Variants in TM9SF3 observed in about 807,000 individuals in gnomAD.
The protein encoded by TM9SF3 is transmembrane 9 superfamily member 3, also known as SM-11044-binding protein.
A neutral mutation model predicts 78.6 loss-of-function variants in TM9SF3; 14 were observed. The ratio of observed to expected loss-of-function variants is 0.18; its 90% confidence interval spans 0.12 to 0.28. TM9SF3 has a LOEUF of 0.28. Among genes scored for constraint, TM9SF3 ranks in the 10% least tolerant of loss-of-function variants. The probability of loss-of-function intolerance (pLI) is 1.00; values close to 1 mark genes in which losing one functional copy is unlikely to be tolerated. For synonymous variants in TM9SF3, 231 were observed against 241.7 expected (o/e 0.96, Z 0.41); for missense variants, 496 against 721.9 (o/e 0.69, Z 3.59).
chr10:96,548,797 C>CA (rs5787196), intron 7 of TM9SF3, among the ~76,000 whole-genome samples: 1,750 of 57,832 alleles, frequency 0.03, 28 homozygotes, highest in Middle Eastern at 0.044. Context: ...GACTCCATCT[C>CA]AAAAAAAAAA....
intron 3 of TM9SF3, among the ~76,000 whole-genome samples, chr10:96,564,793 C>T (rs554375210): frequency 6.6e-6 from 1 of 152,288 alleles, no homozygotes; most frequent in African/African-American, 2.4e-5. Flanking sequence ...TTGGATTATT[C>T]ATAAATTGGC....
At chr10:96,535,539 T>C (rs190616151) in intron 9 of TM9SF3, among the ~76,000 whole-genome samples, 19 of 152,356 alleles carry the variant, frequency 1.2e-4, no homozygotes, top group Admixed American at 1.2e-3. Flanking sequence ...CATCCTTGTA[T>C]CTGTTTTCTA....
intron 6 of TM9SF3, among the ~76,000 whole-genome samples, chr10:96,551,994 ACAG>A (rs2134144091): frequency 6.6e-6 from 1 of 152,332 alleles, no homozygotes; most frequent in South Asian, 2.1e-4. Context: ...AGTTTCTAAC[ACAG>A]CTTGTTTCTA....
At chr10:96,584,587 C>T (rs1848609142) in intron 1 of TM9SF3, among the ~76,000 whole-genome samples, 1 of 152,180 alleles carries the variant, frequency 6.6e-6, no homozygotes, top group South Asian at 2.1e-4. Flanking sequence ...GCAGGCAGAT[C>T]ACTTGAGGCC....
chr10:96,586,906 CGCCTCCGCCGCG>C lies in TM9SF3; in HGVS notation c.-83_-72del, dbSNP rs1480576936. On this transcript the variant is annotated 5_prime_UTR_variant, in exon 1 of 15. Transcript: ENST00000371142. ...CCGCCGCCGCCTCCTCCGCCGCCGCCGCCTCCGCCGCGGCCGATTCGCATCCACGGGGCGCGG... is the reference window on the plus strand; with the variant it reads ...CCGCCGCCGCCTCCTCCGCCGCCGCCGCCGATTCGCATCCACGGGGCGCGG... The C allele has an allele frequency of 8.9e-7, 1 of 1,118,710 alleles. No homozygotes were observed. The highest frequency in any genetic ancestry group is 1.7e-5 in the African/African-American group (1 of 60,592). The allele number at this position is 1,118,710 out of a possible 1,614,324, so 69.3% of individuals were successfully genotyped here.
chr10:96,579,097 C>G (rs1042531250), intron 1 of TM9SF3, among the ~76,000 whole-genome samples: 3 of 152,062 alleles, frequency 2.0e-5, no homozygotes, highest in East Asian at 3.9e-4. Flanking sequence ...ACCTATTCAC[C>G]AAGGCAAATA....
intron 9 of TM9SF3, among the ~76,000 whole-genome samples, chr10:96,538,749 CA>C (rs879757611): frequency 2.6e-5 from 4 of 151,792 alleles, no homozygotes; most frequent in Admixed American, 2.0e-4. Flanking sequence ...ATACAGATGG[CA>C]AAAAAGCAAA....
intron 2 of TM9SF3, among the ~76,000 whole-genome samples, chr10:96,569,922 C>A (rs1211031623): frequency 6.6e-6 from 1 of 152,170 alleles, no homozygotes; most frequent in South Asian, 2.1e-4. Context: ...ATCCCAGCTA[C>A]CTGGGAGGCT....
intron 9 of TM9SF3, among the ~76,000 whole-genome samples, chr10:96,542,992 C>T (rs1448557114): frequency 3.9e-5 from 6 of 152,144 alleles, no homozygotes; most frequent in Non-Finnish European, 7.4e-5. Context: ...ATATTGTGGG[C>T]TCTAATGGCA....
chr10:96,529,770 T>TC (rs1847876577), intron 11 of TM9SF3, among the ~76,000 whole-genome samples: 1 of 152,086 alleles, frequency 6.6e-6, no homozygotes, highest in Admixed American at 6.6e-5. Flanking sequence ...TCCAATTACG[T>TC]CCGTTAAGGA....
At chr10:96,564,940 G>C (rs1480726314) in intron 3 of TM9SF3, among the ~76,000 whole-genome samples, 2 of 151,762 alleles carry the variant, frequency 1.3e-5, no homozygotes, top group African/African-American at 4.8e-5. Flanking sequence ...ATGAGAAAAA[G>C]ACAGAATGAA....
At chr10:96,522,883 C>T (rs1487952443) in intron 14 of TM9SF3, among the ~76,000 whole-genome samples, 1 of 151,740 alleles carries the variant, frequency 6.6e-6, no homozygotes, top group Non-Finnish European at 1.5e-5. Context: ...GTAGGGATGA[C>T]ATATTTGCGG....
chr10:96,536,688 T>C (rs1392069841), intron 9 of TM9SF3, among the ~76,000 whole-genome samples: 2 of 152,144 alleles, frequency 1.3e-5, no homozygotes, highest in African/African-American at 4.8e-5. Flanking sequence ...CACCCCTCCT[T>C]CTTCTTCCTC....
chr10:96,565,748 AG>A (rs1204373107), intron 2 of TM9SF3, among the ~76,000 whole-genome samples: 1 of 152,184 alleles, frequency 6.6e-6, no homozygotes, highest in Non-Finnish European at 1.5e-5. Context: ...AAACAAAAAA[AG>A]CTTAAACACA....
chr10:96,544,398 G>A (rs558082207), intron 8 of TM9SF3, among the ~76,000 whole-genome samples, 192 bp from the exon 9 acceptor site: 1 of 152,258 alleles, frequency 6.6e-6, no homozygotes, highest in African/African-American at 2.4e-5. Context: ...CTGGAAAAGA[G>A]CAATGACCTG....
intron 1 of TM9SF3, 47 bp from the exon 2 acceptor site, chr10:96,576,876 A>T (rs1016040127): frequency 7.3e-6 from 10 of 1,373,890 alleles, no homozygotes; most frequent in African/African-American, 1.5e-5. Flanking sequence ...AAACACACTA[A>T]TTCAAATTAA....
chr10:96,536,387 A>G (rs1454413866), intron 9 of TM9SF3, among the ~76,000 whole-genome samples: 1 of 152,186 alleles, frequency 6.6e-6, no homozygotes, highest in Non-Finnish European at 1.5e-5. Flanking sequence ...TAATTTGATA[A>G]TCTATTTTTT....
chr10:96,519,799 TAC>T lies in TM9SF3; in HGVS notation c.*2462_*2463del, dbSNP rs1326434200. The T allele has an allele frequency of 6.6e-6, 1 of 151,668 alleles. No homozygotes were observed. The highest frequency in any genetic ancestry group is 2.4e-5 in the African/African-American group (1 of 41,394). 9.4% of individuals were successfully genotyped at this position (151,668 alleles called of 1,614,324 possible). A position where few individuals can be genotyped will look rare whatever the true frequency, so the allele number is the denominator to read the frequency against. ...GAAGACACACACACACGCACACACATACATACACTTATTCAACCCCTCTATGC... is the reference window on the plus strand; with the variant it reads ...GAAGACACACACACACGCACACACATATACACTTATTCAACCCCTCTATGC... On this transcript the variant is annotated 3_prime_UTR_variant, in exon 15 of 15. Transcript: ENST00000371142.
intron 12 of TM9SF3, 147 bp from the exon 13 acceptor site, chr10:96,527,643 T>C (rs1050558853): frequency 3.2e-6 from 2 of 618,028 alleles, no homozygotes; most frequent in African/African-American, 3.7e-5. Flanking sequence ...GGTATTCAAA[T>C]TTATCAACAA....
Sources: gnomAD v4.1 joint callset for allele counts (sites outside exome capture counted in the v4.1 genomes callset) on GRCh38, gnomAD v4.1.1 for gene constraint, MANE v1.5 for transcripts, NCBI Gene and HGNC (gene_info 2026-07-23, HGNC 2026-07-21) for gene names.